Variants in NRG3 observed in about 807,000 individuals in gnomAD.
NRG3 encodes pro-neuregulin-3, membrane-bound isoform.
A neutral mutation model predicts 66.9 loss-of-function variants in NRG3; 31 were observed. That is an observed-to-expected ratio of 0.46 (90% CI 0.35 to 0.63). The LOEUF is 0.63. Ranked by LOEUF, NRG3 falls within the 20% of genes least tolerant of loss-of-function variation. The pLI, the probability that NRG3 is intolerant of heterozygous loss-of-function variation, is 0.00. For missense variants in NRG3, 910 were observed against 878.9 expected (o/e 1.04, Z -0.45); for synonymous variants, 393 against 359.4 (o/e 1.09, Z -1.06).
intron 1 of NRG3, among the ~76,000 whole-genome samples, chr10:82,049,738 A>C (rs1039644169): frequency 6.6e-6 from 1 of 151,974 alleles, no homozygotes; most frequent in African/African-American, 2.4e-5. Flanking sequence ...GATGCTGGTC[A>C]AATTTCTGTC....
intron 2 of NRG3, among the ~76,000 whole-genome samples, chr10:82,707,881 G>A (rs2056414491): frequency 7.2e-6 from 1 of 138,380 alleles, no homozygotes; most frequent in African/African-American, 2.6e-5. Context: ...AATTAGCCAG[G>A]TGTGGTGGCG....
intron 1 of NRG3, among the ~76,000 whole-genome samples, chr10:82,033,975 A>G (rs576328610): frequency 5.1e-4 from 77 of 152,266 alleles, no homozygotes; most frequent in African/African-American, 1.8e-3. Flanking sequence ...AAAGTTTTGC[A>G]TAAGCACAAG....
chr10:81,939,440 A>T (rs1405926992), intron 1 of NRG3, among the ~76,000 whole-genome samples: 3 of 152,100 alleles, frequency 2.0e-5, no homozygotes, highest in Non-Finnish European at 4.4e-5. Context: ...TACTCATTCA[A>T]TAATCTTACT....
At chr10:82,206,286 G>A (rs967982269) in intron 1 of NRG3, among the ~76,000 whole-genome samples, 5 of 152,070 alleles carry the variant, frequency 3.3e-5, no homozygotes, top group Non-Finnish European at 7.4e-5. Context: ...TAATACCTTT[G>A]GTCTCTTCCC....
chr10:82,496,465 A>C (rs1843647338), intron 2 of NRG3, among the ~76,000 whole-genome samples: 1 of 152,214 alleles, frequency 6.6e-6, no homozygotes, highest in Admixed American at 6.5e-5. Flanking sequence ...AAAAAGAGAT[A>C]AAAGAATTAC....
chr10:81,995,394 T>C (rs1045662703), intron 1 of NRG3, among the ~76,000 whole-genome samples: 3 of 152,210 alleles, frequency 2.0e-5, no homozygotes, highest in African/African-American at 7.2e-5. Context: ...GTTTGCTCAC[T>C]TGGTTTCATG....
chr10:82,278,346 C>G (rs2078957469), intron 1 of NRG3, among the ~76,000 whole-genome samples: 1 of 152,016 alleles, frequency 6.6e-6, no homozygotes, highest in South Asian at 2.1e-4. Flanking sequence ...CTGAGGAATT[C>G]TTTGCTTCTT....
At chr10:81,921,303 T>C (rs958248335) in intron 1 of NRG3, among the ~76,000 whole-genome samples, 4 of 152,128 alleles carry the variant, frequency 2.6e-5, no homozygotes, top group African/African-American at 9.6e-5. Context: ...TGTTTGCTTA[T>C]AATATTTGCC....
intron 3 of NRG3, among the ~76,000 whole-genome samples, chr10:82,863,688 A>G (rs1043879520): frequency 2.0e-5 from 3 of 151,652 alleles, no homozygotes; most frequent in African/African-American, 7.3e-5. Context: ...TCCTTTGCCC[A>G]CTCTTTGATG....
At chr10:82,408,062 A>AGAGC (rs1564887809) in intron 2 of NRG3, among the ~76,000 whole-genome samples, 2 of 131,174 alleles carry the variant, frequency 1.5e-5, no homozygotes. Context: ...AGAGAGAGAG[A>AGAGC]GAGAGAGAGA....
At chr10:82,535,617 A>T (rs1847735728) in intron 2 of NRG3, among the ~76,000 whole-genome samples, 1 of 152,188 alleles carries the variant, frequency 6.6e-6, no homozygotes, top group African/African-American at 2.4e-5. Context: ...GAATTGTTTT[A>T]CATTTAGTCA....
At chr10:82,947,616 C>T (rs1202006266) in intron 4 of NRG3, among the ~76,000 whole-genome samples, 1 of 152,052 alleles carries the variant, frequency 6.6e-6, no homozygotes, top group East Asian at 1.9e-4. Flanking sequence ...TTTAATCTCA[C>T]CTATTCTAGC....
At chr10:82,584,140 G>A (rs568501398) in intron 2 of NRG3, among the ~76,000 whole-genome samples, 3 of 152,242 alleles carry the variant, frequency 2.0e-5, no homozygotes, top group African/African-American at 4.8e-5. Flanking sequence ...AGGCTGGAGC[G>A]CAGTGGTGTG....
intron 4 of NRG3, among the ~76,000 whole-genome samples, chr10:82,887,198 A>G (rs1034394929): frequency 1.3e-5 from 2 of 152,150 alleles, no homozygotes; most frequent in Non-Finnish European, 2.9e-5. Context: ...TGCCCAGCTC[A>G]GAGATTAGGA....
At chr10:82,584,098 AT>A (rs1007212982) in intron 2 of NRG3, among the ~76,000 whole-genome samples, 34 of 152,018 alleles carry the variant, frequency 2.2e-4, no homozygotes, top group African/African-American at 8.2e-4. Flanking sequence ...GAATTTATTT[AT>A]TTTTTGAGAT....
At chr10:81,954,196 T>C (rs1849617961) in intron 1 of NRG3, among the ~76,000 whole-genome samples, 1 of 152,160 alleles carries the variant, frequency 6.6e-6, no homozygotes, top group South Asian at 2.1e-4. Context: ...AGAGTTAATT[T>C]AGGAAGCAGC....
intron 1 of NRG3, among the ~76,000 whole-genome samples, chr10:82,346,192 G>A (rs867527664): frequency 6.1e-5 from 9 of 148,302 alleles, no homozygotes; most frequent in African/African-American, 2.3e-4. Context: ...TATGATATTG[G>A]CTGTGGGTTT....
At chr10:82,606,102 T>C (rs2133444270) in intron 2 of NRG3, among the ~76,000 whole-genome samples, 1 of 152,256 alleles carries the variant, frequency 6.6e-6, no homozygotes, top group Non-Finnish European at 1.5e-5. Context: ...TTTCTTAGTT[T>C]CCTAAGGCAT....
intron 2 of NRG3, among the ~76,000 whole-genome samples, chr10:82,611,116 T>C (rs948062435): frequency 3.3e-5 from 5 of 152,058 alleles, no homozygotes; most frequent in South Asian, 2.1e-4. Flanking sequence ...CCATAATAAA[T>C]GATGAACATA....
Sources: gnomAD v4.1 joint callset for allele counts (sites outside exome capture counted in the v4.1 genomes callset) on GRCh38, gnomAD v4.1.1 for gene constraint, MANE v1.5 for transcripts, NCBI Gene and HGNC (gene_info 2026-07-23, HGNC 2026-07-21) for gene names.